The following GLS variants were observed in gnomAD, a reference collection of about 807,000 sequenced individuals.
The protein encoded by GLS is glutaminase.
A neutral mutation model predicts 86.7 loss-of-function variants in GLS; 36 were observed. The ratio of observed to expected loss-of-function variants is 0.42; its 90% confidence interval spans 0.32 to 0.55. GLS has a LOEUF of 0.55. Among genes scored for constraint, GLS ranks in the 20% least tolerant of loss-of-function variants. The pLI is 0.17. For synonymous variants in GLS, 317 were observed against 305.9 expected (o/e 1.04, Z -0.38); for missense variants, 528 against 833.4 (o/e 0.63, Z 4.51).
At position 190,964,771 on chromosome 2, in the gene GLS, T is replaced by TAGAC. The variant is rs1443627429; in HGVS notation, c.*1787_*1790dup. 2 of 152,140 alleles carry TAGAC rather than the reference T, an allele frequency of 1.3e-5. No individual in the cohort carries two copies. The highest frequency in any genetic ancestry group is 4.8e-5 in the African/African-American group (2 of 41,430). The allele number at this position is 152,140 out of a possible 1,614,324, so 9.4% of individuals were successfully genotyped here. ...CATTATCCCCAAAGATATTACAGGG[T>TAGAC]AGACACGTTTTAACTGAAATCAATC... On this transcript the variant is annotated 3_prime_UTR_variant, in exon 18 of 18. Coordinates refer to ENST00000320717, the MANE Select transcript of GLS (RefSeq NM_014905.5). This position sits in a 1 kb window ranked among gnomAD's most constrained non-coding sequence, Gnocchi z 5.2.
At chr2:190,937,136 A>G (rs1326994515) in intron 14 of GLS, among the ~76,000 whole-genome samples, 1 of 151,392 alleles carries the variant, frequency 6.6e-6, no homozygotes, top group Non-Finnish European at 1.5e-5. Flanking sequence ...TTTCTCTGTC[A>G]TGTAGTTCAA....
chr2:190,937,397 T>C lies in GLS; in HGVS notation c.1650+5760T>C, dbSNP rs186913144. 7.3e-5 allele frequency among the ~76,000 whole-genome samples: 11 copies of C among 151,468 alleles called. No homozygotes were observed. The East Asian group carries it at 2.1e-3, about 29-fold the overall frequency. On this transcript the variant is annotated intron_variant, in intron 14 of 17. Transcript: ENST00000320717. ...CATGACTTTGAGAAATTTAGAAAAC[T>C]ACTCTAAGAGGATCTGAGGCAATAT...
At chr2:190,902,128 C>T in intron 5 of GLS, 102 bp downstream of exon 5, 2 of 681,548 alleles carry the variant, frequency 2.9e-6, no homozygotes, top group South Asian at 1.9e-5. Flanking sequence ...GGAAATTAGT[C>T]CTAACAGGAT....
At chr2:190,915,537 A>G (rs986060668) in intron 7 of GLS, among the ~76,000 whole-genome samples, 3 of 152,224 alleles carry the variant, frequency 2.0e-5, no homozygotes, top group Non-Finnish European at 2.9e-5. Context: ...TGGGATAAAT[A>G]TATCTTTGGA....
At chr2:190,893,019 C>T (rs780989917) in intron 1 of GLS, among the ~76,000 whole-genome samples, 1 of 152,114 alleles carries the variant, frequency 6.6e-6, no homozygotes, top group Non-Finnish European at 1.5e-5. Context: ...GTGATAAATA[C>T]ATAGAAAGCT....
intron 7 of GLS, among the ~76,000 whole-genome samples, chr2:190,917,668 A>G (rs563927741): frequency 6.6e-6 from 1 of 152,200 alleles, no homozygotes; most frequent in African/African-American, 2.4e-5. Context: ...TCCTTGATCC[A>G]TGGGCTGCAG....
At chr2:190,918,791 C>CATA (rs1689631804) in intron 7 of GLS, among the ~76,000 whole-genome samples, 1 of 152,006 alleles carries the variant, frequency 6.6e-6, no homozygotes, top group African/African-American at 2.4e-5. Context: ...ATTTAGAGGC[C>CATA]ATAGTAGGGT....
chr2:190,934,098 C>T, intron 14 of GLS: 1 of 977,914 alleles, frequency 1.0e-6, no homozygotes, highest in Non-Finnish European at 1.2e-6. Context: ...CTGGTTTTCC[C>T]CATAGTTCCC....
At position 190,935,664 on chromosome 2, in the gene GLS, T is replaced by C. The variant is rs2124924992; in HGVS notation, c.1650+4027T>C. Among the ~76,000 whole-genome samples the C allele has an allele frequency of 6.6e-6, 1 of 151,424 alleles. No individual in the cohort carries two copies. The highest frequency in any genetic ancestry group is 2.1e-4 in the South Asian group (1 of 4,828). ...TTTCTGAGGAGGAATATTGTTGTTA[T>C]TCACTATGTAACTCTCATTTTATCT... On this transcript the variant is annotated intron_variant, in intron 14 of 17. Transcript: ENST00000320717. This position sits in a 1 kb window ranked among gnomAD's most constrained non-coding sequence, Gnocchi z 4.2.
Position 190,964,229 on chromosome 2 carries a change from A to C in GLS, c.*1243A>C, listed in dbSNP as rs1357418429. On this transcript the variant is annotated 3_prime_UTR_variant, in exon 18 of 18. Transcript: ENST00000320717. This position sits in a 1 kb window ranked among gnomAD's most constrained non-coding sequence, Gnocchi z 5.2. ...TGGAAAGTGGGTAAAAGGGGCTTCA[A>C]AAAACGGATAGAACAGGATTTTCTA... is the stretch of plus-strand genomic sequence containing the variant. 1 of 152,152 alleles carries C rather than the reference A, an allele frequency of 6.6e-6. No individual in the cohort carries two copies. Among genetic ancestry groups the C allele is most frequent in the Non-Finnish European group, 1.5e-5 (1 of 68,028 alleles). The allele number at this position is 152,152 out of a possible 1,614,324, so 9.4% of individuals were successfully genotyped here.
Position 190,947,799 on chromosome 2 carries a change from T to C in GLS, c.1651-5766T>C, listed in dbSNP as rs1354080493. Among the ~76,000 whole-genome samples the C allele has an allele frequency of 6.6e-6, 1 of 152,108 alleles. No homozygotes were observed. Among genetic ancestry groups the C allele is most frequent in the African/African-American group, 2.4e-5 (1 of 41,414 alleles). On this transcript the variant is annotated intron_variant, in intron 14 of 17. Coordinates refer to ENST00000320717, the MANE Select transcript of GLS (RefSeq NM_014905.5). The surrounding 1 kb of genome is among the most constrained non-coding windows in gnomAD (Gnocchi z 5.0). ...TTAGCACACCTACATCCTTTGCAAG[T>C]ATTGGTGTGGAGGTGGATGACTGAT...
Position 190,895,556 on chromosome 2 carries a change from A to ATG in GLS, c.484-48_484-47insTG, listed in dbSNP as rs781647926. On this transcript the variant is annotated intron_variant, in intron 2 of 17. Transcript: ENST00000320717. This position sits in a 1 kb window ranked among gnomAD's most constrained non-coding sequence, Gnocchi z 4.2. Reference sequence around the variant, plus strand: ...AATCTTATAGTTGGTATAAGCATATACATTATTTGCACTATATATTTACAA... The same window carrying ATG: ...AATCTTATAGTTGGTATAAGCATATATGCATTATTTGCACTATATATTTACAA... 1.5e-6 allele frequency: 2 copies of ATG among 1,355,000 alleles called. No homozygotes were observed. Among genetic ancestry groups the ATG allele is most frequent in the Non-Finnish European group, 2.1e-6 (2 of 964,142 alleles). 83.9% of individuals were successfully genotyped at this position (1,355,000 alleles called of 1,614,324 possible). A position where few individuals can be genotyped will look rare whatever the true frequency, so the allele number is the denominator to read the frequency against.
At position 190,951,886 on chromosome 2, in the gene GLS, A is replaced by G. The variant is rs768251483; in HGVS notation, c.1651-1679A>G. Among the ~76,000 whole-genome samples, 1 of 152,252 alleles carries G rather than the reference A, an allele frequency of 6.6e-6. No individual in the cohort carries two copies. Among genetic ancestry groups the G allele is most frequent in the East Asian group, 1.9e-4 (1 of 5,198 alleles). On this transcript the variant is annotated intron_variant, in intron 14 of 17. Coordinates refer to ENST00000320717, the MANE Select transcript of GLS (RefSeq NM_014905.5). This position sits in a 1 kb window ranked among gnomAD's most constrained non-coding sequence, Gnocchi z 4.2. ...AGTGGTTTATAACCCAGAAAAGTGC[A>G]TATCAAAGTCACCTGGAGACTTTAA...
rs1022446450 is a variant in GLS at position 190,921,823 on chromosome 2, TATC to T, written c.1130+623_1130+625del. Among the ~76,000 whole-genome samples the T allele has an allele frequency of 6.6e-6, 1 of 152,074 alleles. No homozygotes were observed. The highest frequency in any genetic ancestry group is 2.4e-5 in the African/African-American group (1 of 41,440). ...AAGAACGTTAACGTTAATTTTAAAA[TATC>T]ATGACATTAATCAATATGTAAATGT... On this transcript the variant is annotated intron_variant, in intron 9 of 17. Transcript: ENST00000320717. The surrounding 1 kb of genome is among the most constrained non-coding windows in gnomAD (Gnocchi z 4.2).
At position 190,913,473 on chromosome 2, in the gene GLS, A is replaced by G. The variant is rs146257605; in HGVS notation, c.1038+3152A>G. ...CTCTTTTTCTCTGTGGTAGCTACTA[A>G]CTTTAAAGGAATACTTTTTGTTGTA... On this transcript the variant is annotated intron_variant, in intron 7 of 17. Coordinates refer to ENST00000320717, the MANE Select transcript of GLS (RefSeq NM_014905.5). The surrounding 1 kb of genome is among the most constrained non-coding windows in gnomAD (Gnocchi z 6.1). 1,360 of 966,022 alleles carry G rather than the reference A, an allele frequency of 1.4e-3. 9 individuals carry two copies. In the South Asian group the frequency reaches 0.016, roughly 11 times the overall value. 59.8% of individuals were successfully genotyped at this position (966,022 alleles called of 1,614,324 possible).
intron 14 of GLS, among the ~76,000 whole-genome samples, chr2:190,936,332 CAT>C (rs1271235232): frequency 2.0e-5 from 3 of 150,844 alleles, no homozygotes; most frequent in African/African-American, 7.3e-5. Context: ...GTGTGGGTTG[CAT>C]ATGTTTGTGC....
chr2:190,891,994 A>G (rs1236908259), intron 1 of GLS, among the ~76,000 whole-genome samples: 1 of 152,142 alleles, frequency 6.6e-6, no homozygotes. Context: ...CATCTAAAAA[A>G]AAGCTTGACC....
chr2:190,895,285 A>G lies in GLS; in HGVS notation c.483+37A>G. 1.2e-6 allele frequency: 1 copy of G among 810,362 alleles called. No individual in the cohort carries two copies. The highest frequency in any genetic ancestry group is 1.9e-5 in the Admixed American group (1 of 52,678). 50.2% of individuals were successfully genotyped at this position (810,362 alleles called of 1,614,324 possible). A position where few individuals can be genotyped will look rare whatever the true frequency, so the allele number is the denominator to read the frequency against. On this transcript the variant is annotated intron_variant, in intron 2 of 17. Transcript: ENST00000320717. The surrounding 1 kb of genome is among the most constrained non-coding windows in gnomAD (Gnocchi z 4.2). Reference sequence around the variant, plus strand: ...TATTTTTCTATCTTAACTTAAAAAAATCAATAATAATAAATATATACAGTA... The same window carrying G: ...TATTTTTCTATCTTAACTTAAAAAAGTCAATAATAATAAATATATACAGTA...
chr2:190,934,236 CA>C, intron 14 of GLS: 3 of 955,400 alleles, frequency 3.1e-6, no homozygotes, highest in Non-Finnish European at 3.7e-6. Flanking sequence ...TATAGTGTAG[CA>C]AAAAAGATTT....
Sources: allele counts gnomAD v4.1 joint callset (sites outside exome capture counted in the v4.1 genomes callset), GRCh38; gene constraint gnomAD v4.1.1; non-coding constraint Gnocchi (gnomAD v3.1); transcripts MANE v1.5; gene names NCBI Gene and HGNC (gene_info 2026-07-23, HGNC 2026-07-21).